Variants in PLPP7 observed in about 807,000 individuals in gnomAD.
PLPP7 encodes the protein phospholipid phosphatase 7 (inactive).
In PLPP7, 11 loss-of-function variants were observed where a neutral mutation model predicts 16.9. The observed-to-expected ratio is 0.65, with a 90% CI of 0.41 to 1.08. PLPP7 has a LOEUF of 1.08. PLPP7 is among the 50% of genes least tolerant of loss of function. PLPP7 has a pLI of 0.00. For missense variants in PLPP7, 358 were observed against 397.1 expected, an observed-to-expected ratio of 0.90 and a Z score of 0.84; for synonymous variants, 174 against 175.1, an observed-to-expected ratio of 0.99 and a Z score of 0.05.
chr9:131,293,112 T>A, intron 1 of PLPP7: 1 of 316,792 alleles, frequency 3.2e-6, no homozygotes, highest in Non-Finnish European at 4.6e-6. Context: ...TACAGATGAG[T>A]AAACTGAGGC....
chr9:131,301,783 C>A (rs556820332), intron 1 of PLPP7, among the ~76,000 whole-genome samples: 1 of 151,402 alleles, frequency 6.6e-6, no homozygotes, highest in Admixed American at 6.6e-5. Context: ...GGTGAGTAGA[C>A]CAAGGCGCTG....
intron 1 of PLPP7, among the ~76,000 whole-genome samples, chr9:131,301,586 T>A (rs1193564037): frequency 1.3e-5 from 2 of 152,070 alleles, no homozygotes; most frequent in Non-Finnish European, 2.9e-5. Context: ...GGTGGGACCT[T>A]AGGAAAAAAA....
intron 1 of PLPP7, among the ~76,000 whole-genome samples, chr9:131,293,386 T>C (rs1159242138): frequency 6.6e-6 from 1 of 152,190 alleles, no homozygotes; most frequent in Non-Finnish European, 1.5e-5. Context: ...GCATTCAGCA[T>C]AGGCCACAGA....
At position 131,290,164 on chromosome 9, in the gene PLPP7, C is replaced by T. The variant is rs768429303; in HGVS notation, c.167C>T (p.Ala56Val). 1 of 1,577,364 alleles carries T rather than the reference C, an allele frequency of 6.3e-7. No homozygotes were observed. Among genetic ancestry groups the T allele is most frequent in the South Asian group, 1.2e-5 (1 of 86,094 alleles). ...SAQPPPAGDG[A>V]RERRQSQQLP... Reference sequence around the variant, plus strand: ...CAGCCCCCACCTGCTGGTGACGGGGCCAGAGAGCGACGCCAGTCACAGCAG... The same window carrying T: ...CAGCCCCCACCTGCTGGTGACGGGGTCAGAGAGCGACGCCAGTCACAGCAG... Residue 56 changes from alanine (A) to valine (V), a missense_variant, in exon 1 of 2, where the codon GCC (alanine) becomes GTC (valine). Ala to Val is a moderately conservative substitution (Grantham distance 64, BLOSUM62 0). Transcript: ENST00000372264. The surrounding 1 kb of genome is among the most constrained non-coding windows in gnomAD (Gnocchi z 4.2).
intron 1 of PLPP7, among the ~76,000 whole-genome samples, chr9:131,301,887 G>A (rs572788180): frequency 7.3e-5 from 11 of 149,748 alleles, no homozygotes; most frequent in Admixed American, 2.7e-4. Context: ...CGCAATCTTG[G>A]CTCACTGCAA....
chr9:131,298,093 G>A (rs2991193), intron 1 of PLPP7, among the ~76,000 whole-genome samples: 101,635 of 151,820 alleles, frequency 0.67, 34,927 homozygotes, highest in Middle Eastern at 0.78. Flanking sequence ...ACGTTTTTCG[G>A]TGTTATAAAC....
At position 131,309,086 on chromosome 9, in the gene PLPP7, T is replaced by G. The variant is rs1541122; in HGVS notation, c.*799T>G. ...GGCCTGGGGTGTGAGCTGACTCTCC[T>G]CTGGGGAGGCCGGGTGCACACGCCA... On this transcript the variant is annotated 3_prime_UTR_variant, in exon 2 of 2. Coordinates refer to ENST00000372264, the MANE Select transcript of PLPP7 (RefSeq NM_032728.4). 0.66 allele frequency: 100,960 copies of G among 152,454 alleles called. 34,540 individuals carry two copies. The highest frequency in any genetic ancestry group is 0.77 in the Middle Eastern group (226 of 292). The allele number at this position is 152,454 out of a possible 1,614,324, so 9.4% of individuals were successfully genotyped here.
intron 1 of PLPP7, among the ~76,000 whole-genome samples, chr9:131,294,629 T>C (rs973460270): frequency 6.6e-6 from 1 of 152,144 alleles, no homozygotes; most frequent in African/African-American, 2.4e-5. Context: ...TTCCTTGATC[T>C]ATGTCCTTTA....
chr9:131,307,779 G>A, intron 1 of PLPP7, 144 bp from the exon 2 acceptor site: 1 of 811,834 alleles, frequency 1.2e-6, no homozygotes, highest in Non-Finnish European at 1.9e-6. Flanking sequence ...AACAGCCTGA[G>A]AGGGGACCCT....
intron 1 of PLPP7, among the ~76,000 whole-genome samples, chr9:131,304,746 G>A (rs894176252): frequency 2.6e-5 from 4 of 152,188 alleles, no homozygotes; most frequent in Admixed American, 6.5e-5. Flanking sequence ...TAGCCACGGG[G>A]AAAAAAACCT....
rs534731283 is a variant in PLPP7, at chr9:131,295,895, A to C, written c.451+5447A>C. Among the ~76,000 whole-genome samples the C allele has an allele frequency of 1.1e-4, 16 of 152,268 alleles. No homozygotes were observed. The South Asian group carries it at 3.1e-3, about 30-fold the overall frequency. Reference sequence around the variant, plus strand: ...AGGATGGACCACATTTCGTGTATCCATTCGTGCACCCATGGACACTTCGGT... The same window carrying C: ...AGGATGGACCACATTTCGTGTATCCCTTCGTGCACCCATGGACACTTCGGT... On this transcript the variant is annotated intron_variant, in intron 1 of 1. Transcript: ENST00000372264. The surrounding 1 kb of genome is among the most constrained non-coding windows in gnomAD (Gnocchi z 4.0).
chr9:131,308,524 C>A lies in PLPP7; in HGVS notation c.*237C>A. 1.5e-6 allele frequency: 1 copy of A among 676,870 alleles called. No individual in the cohort carries two copies. Among genetic ancestry groups the A allele is most frequent in the Non-Finnish European group, 2.4e-6 (1 of 414,238 alleles). 41.9% of individuals were successfully genotyped at this position (676,870 alleles called of 1,614,324 possible). ...TTTGCTTGGACTCCAAGTCTCCTCT[C>A]TAGGCAGCCAGGACCCACCCATGGG... is the stretch of plus-strand genomic sequence containing the variant. On this transcript the variant is annotated 3_prime_UTR_variant, in exon 2 of 2. Transcript: ENST00000372264.
chr9:131,297,037 C>T (rs181352505), intron 1 of PLPP7, among the ~76,000 whole-genome samples: 94 of 152,376 alleles, frequency 6.2e-4, no homozygotes, highest in Admixed American at 1.9e-3. Context: ...CCCTCCCCAG[C>T]CTCCTTTCTC....
chr9:131,306,550 AAG>A (rs1835855577), intron 1 of PLPP7, among the ~76,000 whole-genome samples: 1 of 152,162 alleles, frequency 6.6e-6, no homozygotes, highest in Admixed American at 6.5e-5. Flanking sequence ...AAAAAAAAGA[AAG>A]AGAAGATGAA....
intron 1 of PLPP7, among the ~76,000 whole-genome samples, chr9:131,304,757 A>G (rs1445315783): frequency 1.3e-5 from 2 of 152,238 alleles, no homozygotes; most frequent in Non-Finnish European, 2.9e-5. Flanking sequence ...AAAAAAACCT[A>G]TGAACAAACA....
intron 1 of PLPP7, chr9:131,292,845 A>T (rs922724763): frequency 8.1e-6 from 8 of 985,134 alleles, no homozygotes; most frequent in South Asian, 4.7e-5. Flanking sequence ...TTTGCAACCT[A>T]CTTGTTAAGA....
At chr9:131,294,510 G>A (rs766943829) in intron 1 of PLPP7, among the ~76,000 whole-genome samples, 3 of 152,156 alleles carry the variant, frequency 2.0e-5, no homozygotes, top group Non-Finnish European at 4.4e-5. Context: ...TTGATGATCC[G>A]AAGGGAGCCA....
Position 131,289,948 on chromosome 9 carries a change from G to A in PLPP7, c.-50G>A. The A allele has an allele frequency of 7.4e-7, 1 of 1,356,898 alleles. No individual in the cohort carries two copies. The highest frequency in any genetic ancestry group is 9.5e-7 in the Non-Finnish European group (1 of 1,054,652). The allele number at this position is 1,356,898 out of a possible 1,614,324, so 84.1% of individuals were successfully genotyped here. On this transcript the variant is annotated 5_prime_UTR_variant, in exon 1 of 2. Transcript: ENST00000372264. ...GGCAGCTCTTGTCTTCGGGGAGAAG[G>A]CCCTTGGAGCCGGGCTGGCATCGGC...
chr9:131,298,436 C>G (rs868689960), intron 1 of PLPP7, among the ~76,000 whole-genome samples: 2 of 152,268 alleles, frequency 1.3e-5, no homozygotes, highest in Non-Finnish European at 1.5e-5. Context: ...CAGGGCATCC[C>G]AGAAGCCCCG....
Sources: allele counts gnomAD v4.1 joint callset (sites outside exome capture counted in the v4.1 genomes callset), GRCh38; gene constraint gnomAD v4.1.1; non-coding constraint Gnocchi (gnomAD v3.1); transcripts MANE v1.5; gene names NCBI Gene and HGNC (gene_info 2026-07-23, HGNC 2026-07-21).